Variants in PLCE1 observed in about 807,000 individuals in gnomAD.
PLCE1 encodes 1-phosphatidylinositol 4,5-bisphosphate phosphodiesterase epsilon-1.
A neutral mutation model predicts 242.8 loss-of-function variants in PLCE1; 119 were observed. The ratio of observed to expected loss-of-function variants is 0.49; its 90% confidence interval spans 0.42 to 0.57. The LOEUF (loss-of-function observed/expected upper bound fraction) is 0.57, where lower values mean the gene tolerates loss of function less well. PLCE1 is among the 20% of genes least tolerant of loss of function. The pLI, the probability that PLCE1 is intolerant of heterozygous loss-of-function variation, is 0.00. For missense variants in PLCE1, 2,441 were observed against 2,788.8 expected (o/e 0.88, Z 2.81); for synonymous variants, 945 against 1,017.4 (o/e 0.93, Z 1.35).
chr10:94,148,332 G>A (rs756048368), intron 3 of PLCE1, among the ~76,000 whole-genome samples: 3 of 152,162 alleles, frequency 2.0e-5, no homozygotes, highest in Admixed American at 2.0e-4. Context: ...CATACAGGGG[G>A]CCTTGAGAAA....
chr10:94,238,661 G>C (rs1253891980), intron 7 of PLCE1, among the ~76,000 whole-genome samples: 1 of 152,208 alleles, frequency 6.6e-6, no homozygotes, highest in Admixed American at 6.5e-5. Flanking sequence ...CTATGCGTTT[G>C]TATGTTTAAA....
At chr10:94,320,545 A>C (rs2053761037) in intron 29 of PLCE1, among the ~76,000 whole-genome samples, 2 of 152,186 alleles carry the variant, frequency 1.3e-5, no homozygotes, top group South Asian at 4.1e-4. Context: ...AGCGACAGCA[A>C]CTCATGGATT....
At chr10:94,314,325 C>T (rs1172538513) in intron 28 of PLCE1, among the ~76,000 whole-genome samples, 2 of 152,184 alleles carry the variant, frequency 1.3e-5, no homozygotes, top group Non-Finnish European at 2.9e-5. Context: ...TGCAGCCAGG[C>T]GCAGTGGCTC....
At chr10:94,105,803 C>T (rs568097846) in intron 2 of PLCE1, 1 of 152,330 alleles carries the variant, frequency 6.6e-6, no homozygotes, top group Admixed American at 6.5e-5. Context: ...CGCTTCCTCC[C>T]TTCTGTCCTC....
At chr10:94,122,093 G>T (rs143129384) in intron 2 of PLCE1, among the ~76,000 whole-genome samples, 4 of 152,330 alleles carry the variant, frequency 2.6e-5, no homozygotes, top group Non-Finnish European at 5.9e-5. Context: ...GCCACAGGAT[G>T]TCAGGAACTT....
At chr10:94,293,233 C>T (rs769392923) in intron 22 of PLCE1, among the ~76,000 whole-genome samples, 38 of 152,196 alleles carry the variant, frequency 2.5e-4, no homozygotes, top group Non-Finnish European at 3.5e-4. Context: ...TTTTCAAAAT[C>T]TTTCTGATGC....
chr10:94,111,103 A>G (rs1355704452), intron 2 of PLCE1, among the ~76,000 whole-genome samples: 3 of 152,212 alleles, frequency 2.0e-5, no homozygotes, highest in Non-Finnish European at 4.4e-5. Context: ...GAGACTCAGC[A>G]AGAGGTGGCA....
chr10:94,078,324 T>C (rs1367525401), intron 2 of PLCE1, among the ~76,000 whole-genome samples: 1 of 152,206 alleles, frequency 6.6e-6, no homozygotes, highest in Non-Finnish European at 1.5e-5. Context: ...CAGGTTGTGG[T>C]GACTTCAGTG....
intron 2 of PLCE1, among the ~76,000 whole-genome samples, chr10:94,059,084 G>A (rs1008709681): frequency 1.3e-5 from 2 of 152,166 alleles, no homozygotes; most frequent in African/African-American, 4.8e-5. Context: ...AGAAAAAGGA[G>A]AAAAGAAGTT....
intron 3 of PLCE1, among the ~76,000 whole-genome samples, chr10:94,149,229 A>G (rs2047204176): frequency 6.6e-6 from 1 of 152,230 alleles, no homozygotes; most frequent in Non-Finnish European, 1.5e-5. Flanking sequence ...CTCTTGGCAC[A>G]GTCGGCATAG....
At chr10:94,243,352 A>C (rs1005515619) in intron 7 of PLCE1, among the ~76,000 whole-genome samples, 1 of 152,188 alleles carries the variant, frequency 6.6e-6, no homozygotes, top group African/African-American at 2.4e-5. Context: ...ACAAGGAGAG[A>C]CCCTCATAGT....
chr10:94,309,268 T>G (rs2053304802), intron 27 of PLCE1, among the ~76,000 whole-genome samples: 1 of 151,810 alleles, frequency 6.6e-6, no homozygotes, highest in African/African-American at 2.4e-5. Context: ...GCTGCTCCCT[T>G]GAGAATGGAA....
intron 4 of PLCE1, 45 bp downstream of exon 4, chr10:94,171,541 A>T: frequency 6.8e-7 from 1 of 1,476,210 alleles, no homozygotes; most frequent in Non-Finnish European, 9.5e-7. Context: ...CTCACCCGTA[A>T]GTGATTTTCA....
At chr10:94,147,587 C>T (rs1184114697) in intron 3 of PLCE1, among the ~76,000 whole-genome samples, 1 of 152,118 alleles carries the variant, frequency 6.6e-6, no homozygotes, top group East Asian at 1.9e-4. Flanking sequence ...ATGCTAGGCA[C>T]TATATTGTGA....
chr10:94,071,929 T>G (rs185840832), intron 2 of PLCE1, among the ~76,000 whole-genome samples: 1 of 152,328 alleles, frequency 6.6e-6, no homozygotes, highest in Non-Finnish European at 1.5e-5. Flanking sequence ...CTCTTTCATT[T>G]CATTGCATTG....
At chr10:94,110,217 C>G (rs1396825827) in intron 2 of PLCE1, among the ~76,000 whole-genome samples, 12 of 151,722 alleles carry the variant, frequency 7.9e-5, no homozygotes, top group Admixed American at 7.2e-4. Context: ...CACCTGCCAC[C>G]ACGCCCAGCT....
rs143561642 is a variant in PLCE1, at chr10:94,090,471, C to T, written c.1207-41703C>T. On this transcript the variant is annotated intron_variant, in intron 2 of 32. Transcript: ENST00000371380. ...ATGAGAAATTGTGTCCGTGTCCTGA[C>T]GCAGGCTCATTTTTCCTGTCCAAAG... 5.2e-3 allele frequency among the ~76,000 whole-genome samples: 791 copies of T among 152,252 alleles called. 1 individual carries two copies. The highest frequency in any genetic ancestry group is 6.8e-3 in the Middle Eastern group (2 of 294).
chr10:94,092,334 C>A (rs747708257), intron 2 of PLCE1, among the ~76,000 whole-genome samples: 3 of 152,114 alleles, frequency 2.0e-5, no homozygotes, highest in East Asian at 3.8e-4. Context: ...AAACAACCGA[C>A]GCTAAACACT....
At chr10:94,117,483 C>T (rs902036790) in intron 2 of PLCE1, among the ~76,000 whole-genome samples, 6 of 152,184 alleles carry the variant, frequency 3.9e-5, no homozygotes, top group South Asian at 2.1e-4. Flanking sequence ...GCCAAACACT[C>T]GTTGCACTGA....
Sources: allele counts gnomAD v4.1 joint callset (sites outside exome capture counted in the v4.1 genomes callset), GRCh38; gene constraint gnomAD v4.1.1; transcripts MANE v1.5; gene names NCBI Gene and HGNC (gene_info 2026-07-23, HGNC 2026-07-21).